RBKS: variants seen among roughly 807,000 people sequenced by gnomAD.
The protein encoded by RBKS is ribokinase.
Under a neutral mutation model 33.9 loss-of-function variants are expected in RBKS, and 33 were observed. The ratio of observed to expected loss-of-function variants is 0.97; its 90% CI spans 0.74 to 1.30. RBKS has a LOEUF of 1.30. Ranked by LOEUF, RBKS falls within the 50% of genes most tolerant of loss-of-function variation. RBKS has a pLI of 0.00. For missense variants in RBKS, 361 were observed against 392.6 expected (o/e 0.92, Z 0.68); for synonymous variants, 125 against 143.0 (o/e 0.87, Z 0.90).
At chr2:27,846,124 C>T (rs1317674684) in intron 4 of RBKS, among the ~76,000 whole-genome samples, 1 of 152,134 alleles carries the variant, frequency 6.6e-6, no homozygotes, top group Non-Finnish European at 1.5e-5. Flanking sequence ...GCCACCAGGC[C>T]TGGCTAATTG....
intron 2 of RBKS, among the ~76,000 whole-genome samples, chr2:27,848,914 C>A (rs1663676558): frequency 6.6e-6 from 1 of 151,468 alleles, no homozygotes; most frequent in African/African-American, 2.4e-5. Flanking sequence ...GTGACCTAAA[C>A]TAGTCCAATA....
chr2:27,820,189 G>A (rs2148198665), intron 7 of RBKS, among the ~76,000 whole-genome samples: 1 of 152,220 alleles, frequency 6.6e-6, no homozygotes, highest in Admixed American at 6.5e-5. Flanking sequence ...AGTAATACAT[G>A]AAAAATACAG....
chr2:27,817,391 G>C (rs1240388474), intron 7 of RBKS, among the ~76,000 whole-genome samples: 5 of 152,188 alleles, frequency 3.3e-5, no homozygotes, highest in Non-Finnish European at 7.4e-5. Flanking sequence ...TCTCCTCCAG[G>C]TTTGATCATT....
rs1678546200 is a variant in RBKS, at chr2:27,837,312, A to C, written c.515-4535T>G. Among the ~76,000 whole-genome samples the C allele has an allele frequency of 6.6e-6, 1 of 150,700 alleles. No homozygotes were observed. Among genetic ancestry groups the C allele is most frequent in the African/African-American group, 2.5e-5 (1 of 40,074 alleles). ...AAACAAAACGAAACAAAAAACAAAAAGTCAAAACACAACAGATGCTGGTGA... is the reference window on the plus strand; with the variant it reads ...AAACAAAACGAAACAAAAAACAAAACGTCAAAACACAACAGATGCTGGTGA... On this transcript the variant is annotated intron_variant, in intron 5 of 7. Coordinates refer to ENST00000302188, the MANE Select transcript of RBKS (RefSeq NM_022128.3). This position sits in a 1 kb window ranked among gnomAD's most constrained non-coding sequence, Gnocchi z 4.0.
At position 27,807,449 on chromosome 2, in the gene RBKS, G is replaced by A. The variant is rs145644186; in HGVS notation, c.795+20118C>T. 3.9e-3 allele frequency among the ~76,000 whole-genome samples: 598 copies of A among 152,118 alleles called. 5 individuals are homozygous for A. Among genetic ancestry groups the A allele is most frequent in the African/African-American group, 0.014 (572 of 41,488 alleles). ...GGCTGGAGTGCAGTGGTGCAATCAC[G>A]GCTCACTGCAGCTTTGACCTCCCCG... On this transcript the variant is annotated intron_variant, in intron 7 of 7. Transcript: ENST00000302188.
intron 1 of RBKS, among the ~76,000 whole-genome samples, chr2:27,860,024 G>C (rs1663941283): frequency 6.6e-6 from 1 of 152,068 alleles, no homozygotes; most frequent in Non-Finnish European, 1.5e-5. Context: ...TTCCCTTGCA[G>C]TACACTGTCA....
intron 7 of RBKS, among the ~76,000 whole-genome samples, chr2:27,821,257 T>A (rs1678198946): frequency 6.6e-6 from 1 of 152,118 alleles, no homozygotes; most frequent in African/African-American, 2.4e-5. Flanking sequence ...TGACTTCTAA[T>A]GAGGTTAAGC....
intron 1 of RBKS, chr2:27,861,629 C>T (rs531158310): frequency 2.9e-5 from 13 of 452,382 alleles, no homozygotes; most frequent in Non-Finnish European, 3.6e-5. Context: ...AAATAATTCA[C>T]GGAATAAGGA....
chr2:27,825,653 T>C (rs948436027), intron 7 of RBKS, among the ~76,000 whole-genome samples: 6 of 152,210 alleles, frequency 3.9e-5, no homozygotes, highest in Non-Finnish European at 7.3e-5. Context: ...CCTGAGCTCA[T>C]AGCCCACTAT....
chr2:27,781,395 T>C lies in RBKS; in HGVS notation c.*220A>G. On this transcript the variant is annotated 3_prime_UTR_variant, in exon 8 of 8. Transcript: ENST00000302188. ...TTACTTGTCTTTATGTTTGTACAGA[T>C]CTTGGTTGTGGAATCTTTAATTCTG... is the stretch of plus-strand genomic sequence containing the variant. The C allele has an allele frequency of 2.0e-6, 1 of 495,378 alleles. No homozygotes were observed. Among genetic ancestry groups the C allele is most frequent in the Non-Finnish European group, 3.6e-6 (1 of 280,074 alleles). The allele number at this position is 495,378 out of a possible 1,614,324, so 30.7% of individuals were successfully genotyped here.
chr2:27,826,528 C>T (rs1234697370), intron 7 of RBKS, among the ~76,000 whole-genome samples: 1 of 151,920 alleles, frequency 6.6e-6, no homozygotes, highest in Non-Finnish European at 1.5e-5. Flanking sequence ...CCTGCCTCAG[C>T]CCCCCAAGTA....
At chr2:27,792,201 C>T (rs1677543498) in intron 7 of RBKS, among the ~76,000 whole-genome samples, 1 of 152,320 alleles carries the variant, frequency 6.6e-6, no homozygotes, top group African/African-American at 2.4e-5. Context: ...TCCAATTCCA[C>T]CTCTGCTCTT....
At chr2:27,788,310 T>G (rs1245361069) in intron 7 of RBKS, among the ~76,000 whole-genome samples, 1 of 152,198 alleles carries the variant, frequency 6.6e-6, no homozygotes, top group African/African-American at 2.4e-5. Flanking sequence ...TTTTTCTTTG[T>G]AGATGACATA....
intron 1 of RBKS, among the ~76,000 whole-genome samples, chr2:27,868,289 TTA>T (rs1664138001): frequency 6.6e-6 from 1 of 152,184 alleles, no homozygotes; most frequent in Non-Finnish European, 1.5e-5. Flanking sequence ...CAAGAACTCA[TTA>T]TGTTATTTTG....
chr2:27,886,950 A>G (rs1664542988), intron 1 of RBKS, among the ~76,000 whole-genome samples: 2 of 152,150 alleles, frequency 1.3e-5, no homozygotes, highest in Non-Finnish European at 2.9e-5. Flanking sequence ...TTTTACTTCA[A>G]GCTTAACCAC....
At chr2:27,861,150 T>C (rs1292176742) in intron 1 of RBKS, among the ~76,000 whole-genome samples, 1 of 152,080 alleles carries the variant, frequency 6.6e-6, no homozygotes, top group African/African-American at 2.4e-5. Flanking sequence ...GTATTTTTGG[T>C]AGAGAGGGGG....
At chr2:27,781,905 C>T (rs1255910424) in intron 7 of RBKS, 117 bp from the exon 8 acceptor site, 8 of 918,934 alleles carry the variant, frequency 8.7e-6, no homozygotes, top group Non-Finnish European at 1.1e-5. Context: ...AGAAAAGGTA[C>T]AAGGATAATA....
chr2:27,886,716 T>TA (rs1428415583), intron 1 of RBKS, among the ~76,000 whole-genome samples: 2 of 151,488 alleles, frequency 1.3e-5, no homozygotes, highest in Non-Finnish European at 2.9e-5. Context: ...TTTAACAAAA[T>TA]AAAAAATAGA....
chr2:27,823,468 G>C (rs1678251661), intron 7 of RBKS, among the ~76,000 whole-genome samples: 1 of 151,512 alleles, frequency 6.6e-6, no homozygotes, highest in Admixed American at 6.6e-5. Context: ...TAAGGGATTA[G>C]GAGGAAGAGA....
Sources: allele counts gnomAD v4.1 joint callset (sites outside exome capture counted in the v4.1 genomes callset), GRCh38; gene constraint gnomAD v4.1.1; non-coding constraint Gnocchi (gnomAD v3.1); transcripts MANE v1.5; gene names NCBI Gene and HGNC (gene_info 2026-07-23, HGNC 2026-07-21).